PPP2R1B: variants seen among roughly 807,000 people sequenced by gnomAD.
The protein encoded by PPP2R1B is serine/threonine-protein phosphatase 2A 65 kDa regulatory subunit A beta isoform.
In PPP2R1B, 58 loss-of-function variants were observed where a neutral mutation model predicts 72.7. That is an observed-to-expected ratio of 0.80 (90% CI 0.65 to 0.99). The LOEUF (loss-of-function observed/expected upper bound fraction) is 0.99. Among genes scored for constraint, PPP2R1B ranks in the 50% least tolerant of loss-of-function variants. The probability of loss-of-function intolerance (pLI) is 0.00; values close to 1 mark genes in which losing one functional copy is unlikely to be tolerated. For synonymous variants in PPP2R1B, 256 were observed against 264.6 expected (o/e 0.97, Z 0.32); for missense variants, 695 against 733.6 (o/e 0.95, Z 0.61).
Position 111,761,021 on chromosome 11 carries a change from C to T in PPP2R1B, c.337G>A (p.Glu113Lys), listed in dbSNP as rs1025308653. 6.2e-7 allele frequency: 1 copy of T among 1,614,012 alleles called. No homozygotes were observed. The highest frequency in any genetic ancestry group is 1.7e-5 in the Admixed American group (1 of 60,004). The stretch of plus-strand genomic sequence containing the variant: ...ACAGCCTTGTCACGAACAACAGTCT[C>T]TTCCACAGTTGCCAGATTTTCCAAA... The part of the protein sequence containing the change: ...PPLENLATVE[E>K]TVVRDKAVES... Residue 113 changes from glutamate (E) to lysine (K), a missense_variant, in exon 4 of 15, where the codon GAG becomes AAG. Glu to Lys is a moderately conservative substitution (Grantham distance 56). Transcript: ENST00000527614.
In PPP2R1B at chr11:111,766,137, G is replaced by A. The variant is rs1306284478; in HGVS notation, c.114+111C>T. On this transcript the variant is annotated intron_variant, in intron 1 of 14. Coordinates refer to ENST00000527614, the MANE Select transcript of PPP2R1B (RefSeq NM_002716.5). ...CGCCTCCCCTTCAAGTTTCTGCTAC[G>A]AGTCCGACTCATTCAGTACCTCGGC... is the stretch of plus-strand genomic sequence containing the variant. 7 of 989,910 alleles carry A rather than the reference G, an allele frequency of 7.1e-6. No homozygotes were observed. The African/African-American group carries it at 9.7e-5, about 14-fold the overall frequency. The allele number at this position is 989,910 out of a possible 1,614,324, so 61.3% of individuals were successfully genotyped here.
downstream of PPP2R1B, chr11:111,724,417 C>A: frequency 2.3e-6 from 1 of 428,158 alleles, no homozygotes; most frequent in South Asian, 3.1e-5. Flanking sequence ...CAAATGTGTT[C>A]CTAAGAAGAC....
chr11:111,729,118 A>AG (rs751691417), intron 15 of PPP2R1B: 27 of 152,380 alleles, frequency 1.8e-4, no homozygotes, highest in Admixed American at 1.6e-3. Flanking sequence ...ACCTTCCAGT[A>AG]GCCTCTCACA....
At chr11:111,720,907 G>A in the PPP2R1B span, 1 of 1,613,474 alleles carries the variant, frequency 6.2e-7, no homozygotes, top group Non-Finnish European at 8.5e-7. Flanking sequence ...AGGAATTGTA[G>A]CATTTAGACA....
At chr11:111,763,862 C>A (rs1945420428) in intron 3 of PPP2R1B, among the ~76,000 whole-genome samples, 1 of 151,656 alleles carries the variant, frequency 6.6e-6, no homozygotes, top group South Asian at 2.1e-4. Context: ...CTCTCTCTCT[C>A]TCTCTCTATA....
Position 111,741,312 on chromosome 11 carries a change from C to A in PPP2R1B, c.*284G>T. 8.2e-7 allele frequency: 1 copy of A among 1,219,206 alleles called. No homozygotes were observed. The allele number at this position is 1,219,206 out of a possible 1,614,324, so 75.5% of individuals were successfully genotyped here. On this transcript the variant is annotated 3_prime_UTR_variant, in exon 15 of 15. Coordinates refer to ENST00000527614, the MANE Select transcript of PPP2R1B (RefSeq NM_002716.5). ...GGTGCCTGATTCCACAGTGAGGATG[C>A]AGGAGCCCAGGTGGTGATGGATAAA...
chr11:111,733,987 C>A (rs1023876093), downstream of PPP2R1B, among the ~76,000 whole-genome samples: 1 of 152,194 alleles, frequency 6.6e-6, no homozygotes, highest in Non-Finnish European at 1.5e-5. Flanking sequence ...GAGGCCTCGG[C>A]CCCTGGCGCC....
At chr11:111,693,137 T>G in the PPP2R1B span, among the ~76,000 whole-genome samples, 21 of 151,798 alleles carry the variant, frequency 1.4e-4, no homozygotes, top group East Asian at 7.8e-4. Flanking sequence ...TTCGAGACCA[T>G]CCTGGCCAAC....
chr11:111,718,737 G>A, the PPP2R1B span: 1 of 152,248 alleles, frequency 6.6e-6, no homozygotes, highest in Non-Finnish European at 1.5e-5. Flanking sequence ...AAAGGAAACA[G>A]TAGCTCTACC....
At chr11:111,703,869 A>G in the PPP2R1B span, among the ~76,000 whole-genome samples, 1 of 152,170 alleles carries the variant, frequency 6.6e-6, no homozygotes, top group Non-Finnish European at 1.5e-5. Context: ...GAAGGCAAAA[A>G]CAGGTGGGCT....
downstream of PPP2R1B, chr11:111,721,970 A>C (rs747963961): frequency 9.4e-6 from 14 of 1,487,308 alleles, no homozygotes. Context: ...AGTCCACCTC[A>C]CTCTGCTCAT....
rs748133261 is a variant in PPP2R1B, at chr11:111,740,838, T to C, written c.*758A>G. ...ACAATGAAACAAACATACTGCTTAT[T>C]AGGAGGCACTACAGTTAAAGCTTTT... On this transcript the variant is annotated 3_prime_UTR_variant, in exon 15 of 15. Coordinates refer to ENST00000527614, the MANE Select transcript of PPP2R1B (RefSeq NM_002716.5). 18 of 985,312 alleles carry C rather than the reference T, an allele frequency of 1.8e-5. No homozygotes were observed. The highest frequency in any genetic ancestry group is 1.9e-5 in the Non-Finnish European group (16 of 829,940). The allele number at this position is 985,312 out of a possible 1,614,324, so 61.0% of individuals were successfully genotyped here.
chr11:111,713,355 T>A, the PPP2R1B span, among the ~76,000 whole-genome samples: 1 of 151,974 alleles, frequency 6.6e-6, no homozygotes, highest in African/African-American at 2.4e-5. Flanking sequence ...AAAACACAGG[T>A]CTTGGAGCGT....
At chr11:111,762,940 A>T (rs923303470) in intron 3 of PPP2R1B, among the ~76,000 whole-genome samples, 2 of 152,224 alleles carry the variant, frequency 1.3e-5, no homozygotes, top group African/African-American at 4.8e-5. Context: ...TTGAGGACAC[A>T]GAAGAAACAA....
intron 15 of PPP2R1B, chr11:111,729,884 C>T (rs1385642937): frequency 6.6e-6 from 1 of 152,274 alleles, no homozygotes; most frequent in East Asian, 1.9e-4. Context: ...GAAGTTTAGG[C>T]TCACCTCAAA....
In PPP2R1B at chr11:111,766,275, G is replaced by A; in HGVS notation, c.87C>T (p.Ile29=). The A allele has an allele frequency of 6.2e-7, 1 of 1,613,608 alleles. No individual in the cohort carries two copies. Among genetic ancestry groups the A allele is most frequent in the Non-Finnish European group, 8.5e-7 (1 of 1,179,820 alleles). The change falls in exon 1 of 15, where the codon ATC becomes ATT. Residue 29 remains isoleucine, a synonymous_variant. Coordinates refer to ENST00000527614, the MANE Select transcript of PPP2R1B (RefSeq NM_002716.5). The part of the protein sequence containing the change: ...DDSLYPIAVL[I]DELRNEDVQL... ...GCACGTCTTCATTGCGGAGCTCGTC[G>A]ATTAAAACCGCGATCGGGTATAGCG...
At chr11:111,752,377 A>G in intron 9 of PPP2R1B, 45 bp from the exon 10 acceptor site, 1 of 1,530,924 alleles carries the variant, frequency 6.5e-7, no homozygotes, top group Non-Finnish European at 8.8e-7. Context: ...AAAATCAAGT[A>G]CTCTGCCCAA....
At chr11:111,727,134 CA>C in intron 15 of PPP2R1B, 2 of 1,296,346 alleles carry the variant, frequency 1.5e-6, no homozygotes, top group Non-Finnish European at 2.2e-6. Flanking sequence ...TGACCGTCCC[CA>C]GCTGCCCCCT....
At chr11:111,698,830 T>A in the PPP2R1B span, among the ~76,000 whole-genome samples, 1 of 152,264 alleles carries the variant, frequency 6.6e-6, no homozygotes, top group Non-Finnish European at 1.5e-5. Flanking sequence ...TTATTGTATG[T>A]ATTTCAGGAT....
Sources: gnomAD v4.1 joint callset for allele counts (sites outside exome capture counted in the v4.1 genomes callset) on GRCh38, gnomAD v4.1.1 for gene constraint, MANE v1.5 for transcripts, NCBI Gene and HGNC (gene_info 2026-07-23, HGNC 2026-07-21) for gene names.